The following GK variants were observed in gnomAD, a reference collection of about 807,000 sequenced individuals.
The protein encoded by GK is ATP:glycerol 3-phosphotransferase.
In GK, 9 loss-of-function variants were observed where a neutral mutation model predicts 56.4. The observed-to-expected ratio is 0.16, with a 90% CI of 0.10 to 0.28. The LOEUF is 0.28. GK is among the 10% of genes least tolerant of loss of function. The probability of loss-of-function intolerance (pLI) is 1.00; values close to 1 mark genes in which losing one functional copy is unlikely to be tolerated. For synonymous variants in GK, 104 were observed against 144.1 expected, an observed-to-expected ratio of 0.72 and a Z score of 1.99; for missense variants, 161 against 431.4, an observed-to-expected ratio of 0.37 and a Z score of 5.55.
chrX:30,702,938 A>C (rs938595520), intron 11 of GK, among the ~76,000 whole-genome samples: 1 of 111,892 alleles, frequency 8.9e-6, no homozygotes, highest in Non-Finnish European at 1.9e-5. Flanking sequence ...AGGTCATGGT[A>C]ATCTGAGGTT....
At chrX:30,701,301 C>T (rs1407705041) in intron 11 of GK, among the ~76,000 whole-genome samples, 3 of 111,425 alleles carry the variant, frequency 2.7e-5, no homozygotes, top group African/African-American at 9.8e-5. Flanking sequence ...CCCAGCTACT[C>T]GGGAAGCTGA....
intron 3 of GK, chrX:30,672,159 CAAAAAAAAAAAA>C (rs66675920): frequency 1.9e-4 from 4 of 21,169 alleles, no homozygotes; most frequent in East Asian, 3.9e-3. Flanking sequence ...AACTCCATCT[CAAAAAAAAAAAA>C]AAAAAAAAAA....
intron 2 of GK, among the ~76,000 whole-genome samples, chrX:30,666,807 G>T (rs986011406): frequency 7.1e-5 from 8 of 111,992 alleles, no homozygotes; most frequent in African/African-American, 2.6e-4. Context: ...AGATACCTGA[G>T]TCTTGGCTAG....
rs774363105 is a variant in GK at position 30,669,234 on chromosome X, G to A, written c.259+1116G>A. Among the ~76,000 whole-genome samples, 44 of 104,622 alleles carry A rather than the reference G, an allele frequency of 4.2e-4. 1 individual carries two copies. The highest frequency in any genetic ancestry group is 1.5e-3 in the African/African-American group (43 of 28,387). The allele number at this position is 104,622 out of a possible 115,157, so 90.9% of individuals were successfully genotyped here. On this transcript the variant is annotated intron_variant, in intron 3 of 20. Transcript: ENST00000427190. ...TCTCGATCTTGTCCCCAAGGCTGGA[G>A]TGCAGTGGCATGATCTCGGCTCACT... is the stretch of plus-strand genomic sequence containing the variant.
At chrX:30,689,799 G>A (rs1032853547) in intron 4 of GK, among the ~76,000 whole-genome samples, 2 of 112,011 alleles carry the variant, frequency 1.8e-5, no homozygotes, top group African/African-American at 6.5e-5. Flanking sequence ...AAAAGAATTC[G>A]AAATACCTCT....
intron 13 of GK, among the ~76,000 whole-genome samples, chrX:30,712,313 T>C (rs1936363229): frequency 1.8e-5 from 2 of 111,680 alleles, no homozygotes; most frequent in Admixed American, 9.5e-5. Flanking sequence ...TCTGTAGGAG[T>C]AGAATTTCTA....
At chrX:30,721,144 C>T in intron 18 of GK, 149 bp downstream of exon 18, 1 of 554,005 alleles carries the variant, frequency 1.8e-6, no homozygotes, top group South Asian at 2.6e-5. Context: ...GCATATTGGG[C>T]TTTACTGAAT....
At chrX:30,701,350 G>A (rs996481191) in intron 11 of GK, among the ~76,000 whole-genome samples, 12 of 112,162 alleles carry the variant, frequency 1.1e-4, no homozygotes, top group Non-Finnish European at 1.9e-4. Context: ...TGGAGGTTGC[G>A]GTGAGCCGAG....
At chrX:30,703,880 G>A (rs1433751429) in intron 11 of GK, among the ~76,000 whole-genome samples, 2 of 106,759 alleles carry the variant, frequency 1.9e-5, no homozygotes, top group African/African-American at 3.5e-5. Flanking sequence ...AAAATTGCTT[G>A]AACCTGGGAG....
At position 30,677,806 on chromosome X, in the gene GK, G is replaced by A. The variant is rs552960047; in HGVS notation, c.337+354G>A. The stretch of plus-strand genomic sequence containing the variant: ...TGCCATTGCACTCCAGCCTGGGCAA[G>A]AGAGTGAGACTCCATCTCAAAAAAA... On this transcript the variant is annotated intron_variant, in intron 4 of 20. Coordinates refer to ENST00000427190, the MANE Select transcript of GK (RefSeq NM_001205019.2). Among the ~76,000 whole-genome samples the A allele has an allele frequency of 2.0e-3, 177 of 87,134 alleles. 1 individual carries two copies. Among genetic ancestry groups the A allele is most frequent in the African/African-American group, 7.3e-3 (156 of 21,364 alleles). 75.7% of individuals were successfully genotyped at this position (87,134 alleles called of 115,157 possible).
chrX:30,728,752 A>C lies in GK; in HGVS notation c.*10A>C, dbSNP rs1937245906. 8.7e-7 allele frequency: 1 copy of C among 1,152,812 alleles called. No individual in the cohort carries two copies. The highest frequency in any genetic ancestry group is 2.2e-5 in the Admixed American group (1 of 45,593). On this transcript the variant is annotated 3_prime_UTR_variant, in exon 21 of 21. Transcript: ENST00000427190. Reference sequence around the variant, plus strand: ...TTCAGGTATTCCATAAAACCTACCAACTCATGGATTCCCAAGATGTGAGCT... The same window carrying C: ...TTCAGGTATTCCATAAAACCTACCACCTCATGGATTCCCAAGATGTGAGCT...
rs746533111 is a variant in GK, at chrX:30,683,518, C to T, written c.337+6066C>T. On this transcript the variant is annotated intron_variant, in intron 4 of 20. Transcript: ENST00000427190. ...TAACAGAAAAACCAAGATAGGAGAA[C>T]TTCAGGATATCATTGGTGGCCACGG... Among the ~76,000 whole-genome samples, 3 of 111,547 alleles carry T rather than the reference C, an allele frequency of 2.7e-5. No homozygotes were observed. The East Asian group carries it at 8.4e-4, about 31-fold the overall frequency.
Position 30,720,671 on chromosome X carries a change from G to A in GK, c.1287G>A (p.Gln429=), listed in dbSNP as rs775874906. The A allele has an allele frequency of 5.0e-6, 6 of 1,200,285 alleles. No homozygotes were observed. In the South Asian group the frequency reaches 1.1e-4, roughly 21 times the overall value. The change falls in exon 17 of 21, where the codon CAG becomes CAA. Residue 429 remains glutamine (Q), a synonymous_variant. Transcript: ENST00000427190. The part of the protein sequence containing the change: ...RDCGIPLSHL[Q]VDGGMTSNKI... ...GTGGAATTCCACTCAGTCATTTGCA[G>A]GTAGATGGAGGAATGACCAGCAACA...
intron 3 of GK, chrX:30,671,564 G>A (rs1402040578): frequency 8.9e-6 from 1 of 111,759 alleles, no homozygotes; most frequent in Non-Finnish European, 1.9e-5. Context: ...ATCATTTATA[G>A]TCCTACCTGA....
intron 1 of GK, among the ~76,000 whole-genome samples, chrX:30,662,095 C>A (rs1932778004): frequency 8.9e-6 from 1 of 111,888 alleles, no homozygotes; most frequent in Non-Finnish European, 1.9e-5. Context: ...CCACTGGCCA[C>A]ATGTGGCTAC....
intron 4 of GK, among the ~76,000 whole-genome samples, chrX:30,682,638 A>G (rs1475030012): frequency 8.9e-6 from 1 of 112,346 alleles, no homozygotes; most frequent in African/African-American, 3.2e-5. Context: ...GGATGGATGG[A>G]AACAATGAGA....
intron 1 of GK, among the ~76,000 whole-genome samples, chrX:30,658,851 A>G (rs1370471523): frequency 8.9e-6 from 1 of 112,355 alleles, no homozygotes; most frequent in Non-Finnish European, 1.9e-5. Context: ...TGGTAGACAC[A>G]TGTTACATGA....
chrX:30,693,110 G>A (rs959774641), intron 5 of GK, among the ~76,000 whole-genome samples: 15 of 98,396 alleles, frequency 1.5e-4, no homozygotes, highest in South Asian at 5.3e-4. Flanking sequence ...TCCGCCTCCC[G>A]GGTTCATGCC....
intron 9 of GK, chrX:30,698,527 C>A (rs1180693175): frequency 2.7e-5 from 3 of 109,878 alleles, no homozygotes; most frequent in Non-Finnish European, 5.7e-5. Flanking sequence ...CATGGTGAAA[C>A]CCCGTCTCTA....
Sources: gnomAD v4.1 joint callset for allele counts (sites outside exome capture counted in the v4.1 genomes callset) on GRCh38, gnomAD v4.1.1 for gene constraint, MANE v1.5 for transcripts, NCBI Gene and HGNC (gene_info 2026-07-23, HGNC 2026-07-21) for gene names.